TMC7: variants seen among roughly 807,000 people sequenced by gnomAD.
TMC7 encodes transmembrane channel like 7, also known as transmembrane channel-like protein 7.
In TMC7, 54 loss-of-function variants were observed where a neutral mutation model predicts 82.9. That is an observed-to-expected ratio of 0.65 (90% CI 0.52 to 0.82). The LOEUF (loss-of-function observed/expected upper bound fraction) is 0.82, where lower values mean the gene tolerates loss of function less well. Ranked by LOEUF, TMC7 falls within the 40% of genes least tolerant of loss-of-function variation. TMC7 has a pLI of 0.00. For synonymous variants in TMC7, 350 were observed against 337.9 expected (o/e 1.04, Z -0.39); for missense variants, 820 against 901.2 (o/e 0.91, Z 1.15).
intron 5 of TMC7, among the ~76,000 whole-genome samples, chr16:19,023,560 C>G (rs944224580): frequency 2.0e-5 from 3 of 152,172 alleles, no homozygotes; most frequent in African/African-American, 7.2e-5. Context: ...GATTCTCCTG[C>G]CTCAGCCTCT....
chr16:18,988,237 C>T (rs1339747281), intron 1 of TMC7, among the ~76,000 whole-genome samples: 3 of 151,298 alleles, frequency 2.0e-5, no homozygotes, highest in African/African-American at 7.3e-5. Context: ...TCACTGCAAC[C>T]TCTGCCTCCT....
intron 7 of TMC7, among the ~76,000 whole-genome samples, chr16:19,036,818 C>A (rs1460234881): frequency 2.0e-5 from 3 of 151,786 alleles, no homozygotes; most frequent in Admixed American, 6.6e-5. Flanking sequence ...GAGGAGGGGA[C>A]AAATAAATCA....
At chr16:18,985,702 T>TG (rs2038834903) in intron 1 of TMC7, among the ~76,000 whole-genome samples, 1 of 151,410 alleles carries the variant, frequency 6.6e-6, no homozygotes, top group Non-Finnish European at 1.5e-5. Context: ...AGATGAGTTT[T>TG]TTTTTTTTTT....
intron 5 of TMC7, among the ~76,000 whole-genome samples, chr16:19,026,576 A>G (rs1352953552): frequency 8.0e-5 from 12 of 150,752 alleles, no homozygotes; most frequent in African/African-American, 2.9e-4. Flanking sequence ...TCTGTTTGTG[A>G]AAAAAAAAAG....
chr16:18,983,998 AGGC>A lies in TMC7; in HGVS notation c.-47_-45del, dbSNP rs759500658. The A allele has an allele frequency of 1.3e-3, 1,690 of 1,332,456 alleles. No individual in the cohort carries two copies. The highest frequency in any genetic ancestry group is 3.4e-3 in the South Asian group (191 of 55,832). 82.5% of individuals were successfully genotyped at this position (1,332,456 alleles called of 1,614,324 possible). A position where few individuals can be genotyped will look rare whatever the true frequency, so the allele number is the denominator to read the frequency against. Reference sequence around the variant, plus strand: ...CCGGCTCCGCGAGGGAAGGCCGGGGAGGCGGCGGCGGCGGCGGCGGCTGGAGAG... The same window carrying A: ...CCGGCTCCGCGAGGGAAGGCCGGGGAGGCGGCGGCGGCGGCGGCTGGAGAG... On this transcript the variant is annotated 5_prime_UTR_variant, in exon 1 of 16. Coordinates refer to ENST00000304381, the MANE Select transcript of TMC7 (RefSeq NM_024847.4).
chr16:19,032,781 C>A (rs1247252224), intron 6 of TMC7, among the ~76,000 whole-genome samples: 1 of 152,106 alleles, frequency 6.6e-6, no homozygotes, highest in African/African-American at 2.4e-5. Flanking sequence ...GTGCACGCCA[C>A]CACGACTGGC....
chr16:19,043,435 C>G (rs1374312951), intron 9 of TMC7, among the ~76,000 whole-genome samples: 1 of 111,872 alleles, frequency 8.9e-6, no homozygotes, highest in South Asian at 3.4e-4. Context: ...CCATTTTAAC[C>G]ATTGTCAGAG....
intron 1 of TMC7, 93 bp downstream of exon 1, chr16:18,984,223 G>A: frequency 7.3e-7 from 1 of 1,371,058 alleles, no homozygotes; most frequent in South Asian, 1.7e-5. Flanking sequence ...CCTGGCCGCT[G>A]TTCCCTCCCA....
At chr16:19,050,016 G>T (rs1433879946) in intron 12 of TMC7, among the ~76,000 whole-genome samples, 3 of 152,098 alleles carry the variant, frequency 2.0e-5, no homozygotes, top group Admixed American at 2.0e-4. Context: ...TCCTAATTTG[G>T]TGTATATTAT....
At chr16:19,044,642 T>C (rs980870019) in intron 9 of TMC7, among the ~76,000 whole-genome samples, 2 of 150,932 alleles carry the variant, frequency 1.3e-5, no homozygotes, top group East Asian at 2.0e-4. Flanking sequence ...CTACTAAAAA[T>C]AGAAAAAAAA....
chr16:18,986,394 A>G (rs1375881132), intron 1 of TMC7, among the ~76,000 whole-genome samples: 2 of 151,258 alleles, frequency 1.3e-5, no homozygotes, highest in Non-Finnish European at 1.5e-5. Flanking sequence ...CTGTCTGAAA[A>G]AAAAAAAAAA....
intron 1 of TMC7, among the ~76,000 whole-genome samples, chr16:19,005,098 T>C (rs1460969482): frequency 6.7e-6 from 1 of 149,032 alleles, no homozygotes; most frequent in Non-Finnish European, 1.5e-5. Context: ...ATTTATTTAT[T>C]TATTTTCTGA....
intron 15 of TMC7, among the ~76,000 whole-genome samples, chr16:19,060,336 C>T (rs1961948174): frequency 6.6e-6 from 1 of 152,080 alleles, no homozygotes; most frequent in Admixed American, 6.6e-5. Context: ...TCCCAAGTAG[C>T]TGGGACTACA....
intron 8 of TMC7, 61 bp from the exon 9 acceptor site, chr16:19,040,228 A>G (rs28497531): frequency 2.0e-6 from 3 of 1,483,760 alleles, no homozygotes; most frequent in African/African-American, 2.8e-5. Context: ...TTTTTGTTCT[A>G]TCTATTTGTG....
chr16:19,045,351 C>T lies in TMC7; in HGVS notation c.1466C>T (p.Thr489Ile). The T allele has an allele frequency of 6.2e-7, 1 of 1,613,894 alleles. No individual in the cohort carries two copies. Among genetic ancestry groups the T allele is most frequent in the Non-Finnish European group, 8.5e-7 (1 of 1,179,886 alleles). ...YNQKLYPCWE[T>I]QVGQEMYKLM... ...TCTCTTTGATTTCAGTGCTGGGAGA[C>T]CCAAGTTGGGCAGGAAATGTACAAG... The change falls in exon 11 of 16, where the codon ACC becomes ATC. Residue 489 changes from threonine (T) to isoleucine (I), a missense_variant. Around this residue, in one of 2 missense-constraint regions of TMC7, gnomAD observed 650 missense variants for 669.9 expected, o/e 0.97. Transcript: ENST00000304381.
At chr16:19,058,704 G>A (rs1484688901) in intron 14 of TMC7, among the ~76,000 whole-genome samples, 1 of 152,004 alleles carries the variant, frequency 6.6e-6, no homozygotes, top group African/African-American at 2.4e-5. Flanking sequence ...AAGAGATGAG[G>A]GTTTTCTTTA....
At chr16:19,017,756 G>A (rs972138811) in intron 3 of TMC7, among the ~76,000 whole-genome samples, 64 of 141,892 alleles carry the variant, frequency 4.5e-4, no homozygotes, top group African/African-American at 1.5e-3. Flanking sequence ...TGCAGGCTCC[G>A]CCCCCCGGGG....
At chr16:19,052,592 G>T (rs1344205224) in intron 13 of TMC7, among the ~76,000 whole-genome samples, 1 of 152,266 alleles carries the variant, frequency 6.6e-6, no homozygotes, top group Non-Finnish European at 1.5e-5. Context: ...TGGGGGTACT[G>T]GTTGAGCCAA....
chr16:19,057,883 A>G (rs187430645), intron 14 of TMC7, among the ~76,000 whole-genome samples: 2 of 151,916 alleles, frequency 1.3e-5, no homozygotes, highest in East Asian at 1.9e-4. Context: ...CTCCCCAAAT[A>G]TAATAACTTT....
Sources: allele counts gnomAD v4.1 joint callset (sites outside exome capture counted in the v4.1 genomes callset), GRCh38; gene constraint gnomAD v4.1.1; regional missense constraint gnomAD v4.1.1; transcripts MANE v1.5; gene names NCBI Gene and HGNC (gene_info 2026-07-23, HGNC 2026-07-21).